CTNNA3: variants seen among roughly 807,000 people sequenced by gnomAD.
The protein encoded by CTNNA3 is catenin alpha 3.
A neutral mutation model predicts 95.7 loss-of-function variants in CTNNA3; 76 were observed. The ratio of observed to expected loss-of-function variants is 0.79; its 90% confidence interval spans 0.66 to 0.96. CTNNA3 has a LOEUF of 0.96. CTNNA3 is among the 40% of genes least tolerant of loss of function. CTNNA3 has a pLI of 0.00. For missense variants in CTNNA3, 1,191 were observed against 1,089.8 expected (o/e 1.09, Z -1.31); for synonymous variants, 431 against 374.4 (o/e 1.15, Z -1.74).
intron 5 of CTNNA3, among the ~76,000 whole-genome samples, chr10:67,405,660 C>T (rs1394090986): frequency 1.3e-5 from 2 of 152,030 alleles, no homozygotes; most frequent in African/African-American, 4.8e-5. Context: ...AGAAAATTAA[C>T]AAAAATATTC....
At chr10:67,461,916 C>T (rs1847393760) in intron 5 of CTNNA3, among the ~76,000 whole-genome samples, 1 of 152,180 alleles carries the variant, frequency 6.6e-6, no homozygotes, top group Non-Finnish European at 1.5e-5. Context: ...TATGAATTCA[C>T]AGAAGAAATC....
chr10:66,393,520 ATTAT>A (rs1436866980), intron 11 of CTNNA3, among the ~76,000 whole-genome samples: 1 of 152,088 alleles, frequency 6.6e-6, no homozygotes, highest in Non-Finnish European at 1.5e-5. Context: ...AATTACATAC[ATTAT>A]TTACAGATGT....
chr10:66,939,741 G>A (rs1160313523), intron 7 of CTNNA3, among the ~76,000 whole-genome samples: 4 of 152,052 alleles, frequency 2.6e-5, no homozygotes, highest in South Asian at 2.1e-4. Context: ...TGGAACATAC[G>A]TGATAAACAA....
At chr10:66,051,609 T>A (rs983371015) in intron 15 of CTNNA3, among the ~76,000 whole-genome samples, 7 of 152,220 alleles carry the variant, frequency 4.6e-5, no homozygotes, top group Admixed American at 3.9e-4. Flanking sequence ...CTGAAGATAG[T>A]TTTGAATGAA....
At chr10:67,439,176 C>T in intron 5 of CTNNA3, among the ~76,000 whole-genome samples, 1 of 152,094 alleles carries the variant, frequency 6.6e-6, no homozygotes, top group East Asian at 1.9e-4. Context: ...GCAAAGAGGA[C>T]TTTGCCTTGC....
At chr10:66,909,498 A>C (rs2132553092) in intron 7 of CTNNA3, among the ~76,000 whole-genome samples, 1 of 140,200 alleles carries the variant, frequency 7.1e-6, no homozygotes, top group East Asian at 2.1e-4. Context: ...AACAAGACCA[A>C]AACTCCATCT....
At chr10:66,287,001 T>C (rs1418892251) in intron 12 of CTNNA3, among the ~76,000 whole-genome samples, 1 of 152,100 alleles carries the variant, frequency 6.6e-6, no homozygotes, top group Non-Finnish European at 1.5e-5. Flanking sequence ...TCATGTAATT[T>C]GAAATCAGAT....
At chr10:67,697,051 A>G (rs947807207), upstream of CTNNA3, among the ~76,000 whole-genome samples, 6 of 152,250 alleles carry the variant, frequency 3.9e-5, no homozygotes, top group Non-Finnish European at 5.9e-5. Context: ...AGATACTCTT[A>G]GCACAAATTT....
At chr10:66,250,017 G>C (rs1057324518) in intron 13 of CTNNA3, among the ~76,000 whole-genome samples, 2 of 152,026 alleles carry the variant, frequency 1.3e-5, no homozygotes, top group South Asian at 4.2e-4. Flanking sequence ...TCAAATGAGT[G>C]GATAAAGAAA....
intron 17 of CTNNA3, among the ~76,000 whole-genome samples, chr10:65,923,651 T>C (rs2077122986): frequency 6.6e-6 from 1 of 152,226 alleles, no homozygotes; most frequent in South Asian, 2.1e-4. Flanking sequence ...GAGAAGGTAG[T>C]TCATTCTTTG....
At position 67,004,715 on chromosome 10, in the gene CTNNA3, T is replaced by C. The variant is rs138118351; in HGVS notation, c.1047+175602A>G. 5.2e-3 allele frequency among the ~76,000 whole-genome samples: 797 copies of C among 152,320 alleles called. 2 individuals are homozygous for C. Among genetic ancestry groups the C allele is most frequent in the African/African-American group, 0.018 (759 of 41,584 alleles). On this transcript the variant is annotated intron_variant, in intron 7 of 17. Transcript: ENST00000433211. ...TTCAAAAGACTAGTATACTCACTGA[T>C]AAATGCCTTTTTAACTTATATCATG... is the stretch of plus-strand genomic sequence containing the variant.
rs573402256 is a variant in CTNNA3, at chr10:65,999,542, C to T, written c.2160-10745G>A. On this transcript the variant is annotated intron_variant, in intron 15 of 17. Coordinates refer to ENST00000433211, the MANE Select transcript of CTNNA3 (RefSeq NM_013266.4). ...CACTATGCCAAACCACAATTATTCTCTTCCTCATGTTTTTAATTAAATGTA... is the reference window on the plus strand; with the variant it reads ...CACTATGCCAAACCACAATTATTCTTTTCCTCATGTTTTTAATTAAATGTA... Among the ~76,000 whole-genome samples, 5 of 152,288 alleles carry T rather than the reference C, an allele frequency of 3.3e-5. No homozygotes were observed. The East Asian group carries it at 5.8e-4, about 18-fold the overall frequency.
At chr10:66,430,309 G>A (rs1430788776) in intron 11 of CTNNA3, among the ~76,000 whole-genome samples, 1 of 152,078 alleles carries the variant, frequency 6.6e-6, no homozygotes, top group African/African-American at 2.4e-5. Context: ...AATCAATATC[G>A]TGAAAATGGC....
chr10:67,655,778 GTC>G (rs1840004689), intron 1 of CTNNA3, among the ~76,000 whole-genome samples: 1 of 115,662 alleles, frequency 8.6e-6, no homozygotes, highest in African/African-American at 4.5e-5. Flanking sequence ...GCGAGACTCC[GTC>G]TCAAAAAAAA....
At chr10:66,375,118 G>A (rs1328706604) in intron 12 of CTNNA3, among the ~76,000 whole-genome samples, 1 of 151,956 alleles carries the variant, frequency 6.6e-6, no homozygotes, top group Non-Finnish European at 1.5e-5. Context: ...GAGAAACAAG[G>A]GGTAGAGATA....
chr10:66,042,831 C>T (rs184643507), intron 15 of CTNNA3, among the ~76,000 whole-genome samples: 51 of 125,126 alleles, frequency 4.1e-4, no homozygotes, highest in African/African-American at 1.3e-3. Flanking sequence ...ACCCAGGAGG[C>T]GGAGGTTGCA....
At chr10:65,977,235 C>A (rs2078223824) in intron 16 of CTNNA3, among the ~76,000 whole-genome samples, 1 of 152,024 alleles carries the variant, frequency 6.6e-6, no homozygotes, top group Non-Finnish European at 1.5e-5. Flanking sequence ...CAGGGACTCA[C>A]AACATGTAAG....
chr10:66,269,515 T>C (rs951445142), intron 13 of CTNNA3, among the ~76,000 whole-genome samples: 1 of 152,236 alleles, frequency 6.6e-6, no homozygotes, highest in Non-Finnish European at 1.5e-5. Flanking sequence ...TTTTTAAGGT[T>C]ACAAATAATT....
At chr10:66,144,554 C>G (rs1292190600) in intron 13 of CTNNA3, among the ~76,000 whole-genome samples, 10 of 151,748 alleles carry the variant, frequency 6.6e-5, no homozygotes, top group Non-Finnish European at 1.3e-4. Flanking sequence ...ATGACATAAT[C>G]TCCGCTCACT....
Sources: allele counts gnomAD v4.1 joint callset (sites outside exome capture counted in the v4.1 genomes callset), GRCh38; gene constraint gnomAD v4.1.1; transcripts MANE v1.5; gene names NCBI Gene and HGNC (gene_info 2026-07-23, HGNC 2026-07-21).